Variants in MSL2 observed in about 807,000 individuals in gnomAD.
MSL2 encodes the protein MSL complex subunit 2.
MSL2 carries 2 observed loss-of-function variants against 35.8 expected under a neutral mutation model. The ratio of observed to expected loss-of-function variants is 0.06; its 90% confidence interval spans 0.02 to 0.18. The LOEUF (loss-of-function observed/expected upper bound fraction) is 0.18. Among genes scored for constraint, MSL2 ranks in the 10% least tolerant of loss-of-function variants. MSL2 has a pLI of 1.00. For missense variants in MSL2, 523 were observed against 706.7 expected (o/e 0.74, Z 2.95); for synonymous variants, 296 against 255.7 (o/e 1.16, Z -1.50).
intron 1 of MSL2, among the ~76,000 whole-genome samples, chr3:136,155,096 T>C (rs1367577267): frequency 2.0e-5 from 3 of 151,820 alleles, no homozygotes; most frequent in Non-Finnish European, 4.4e-5. Context: ...TAGTCCCAGC[T>C]ACTCGGGGGA....
At chr3:136,170,657 C>T (rs1292059489) in intron 1 of MSL2, among the ~76,000 whole-genome samples, 6 of 151,248 alleles carry the variant, frequency 4.0e-5, no homozygotes, top group Non-Finnish European at 8.8e-5. Context: ...TACAGGCGTG[C>T]GTCACCATGC....
chr3:136,187,656 C>T (rs1284892202), intron 1 of MSL2, among the ~76,000 whole-genome samples: 1 of 150,364 alleles, frequency 6.7e-6, no homozygotes. Flanking sequence ...GGTGACAGGG[C>T]AAGACTCCGT....
chr3:136,180,861 T>C (rs1464086397), intron 1 of MSL2, among the ~76,000 whole-genome samples: 2 of 91,524 alleles, frequency 2.2e-5, no homozygotes, highest in Admixed American at 2.6e-4. Flanking sequence ...AAAAAGGAGT[T>C]GGCCGGGCGT....
chr3:136,182,138 G>A (rs1940384761), intron 1 of MSL2, among the ~76,000 whole-genome samples: 1 of 152,098 alleles, frequency 6.6e-6, no homozygotes, highest in African/African-American at 2.4e-5. Context: ...CAATGGAAAT[G>A]TTTTATATCT....
chr3:136,161,012 G>A (rs551993282), intron 1 of MSL2, among the ~76,000 whole-genome samples: 6 of 151,700 alleles, frequency 4.0e-5, no homozygotes, highest in East Asian at 2.0e-4. Flanking sequence ...ACTTGAACCC[G>A]GGAGGCGGAG....
chr3:136,188,501 G>A (rs959620627), intron 1 of MSL2, among the ~76,000 whole-genome samples: 1 of 151,014 alleles, frequency 6.6e-6, no homozygotes, highest in Non-Finnish European at 1.5e-5. Flanking sequence ...TATAATCCTA[G>A]CATTTTGGGA....
intron 1 of MSL2, among the ~76,000 whole-genome samples, chr3:136,185,020 G>C (rs967691294): frequency 5.3e-5 from 8 of 152,046 alleles, no homozygotes; most frequent in Non-Finnish European, 1.0e-4. Flanking sequence ...TGTAGCCCAG[G>C]CTGGAGTACA....
At chr3:136,177,597 T>C (rs137988445) in intron 1 of MSL2, among the ~76,000 whole-genome samples, 2,393 of 146,166 alleles carry the variant, frequency 0.016, 64 homozygotes, top group African/African-American at 0.058. Context: ...GAGAATGGCA[T>C]GAACCCAGGA....
rs1939387441 is a variant in MSL2 at position 136,151,990 on chromosome 3, A to G, written c.891T>C (p.Thr297=). The G allele has an allele frequency of 1.2e-6, 2 of 1,614,214 alleles. No homozygotes were observed. Among genetic ancestry groups the G allele is most frequent in the East Asian group, 2.2e-5 (1 of 44,886 alleles). ...GCTGCAGAAAAGGTCCATTGGATAC[A>G]GTGGCTTCCAAGTTCGGCTGCAAAT... ...CPNLQPNLEA[T]VSNGPFLQLS... is the part of the protein sequence containing the mutation. Residue 297 remains threonine, a synonymous_variant, in exon 2 of 2, where the codon ACT becomes ACC. Transcript: ENST00000309993. This position sits in a 1 kb window ranked among gnomAD's most constrained non-coding sequence, Gnocchi z 5.2.
intron 1 of MSL2, among the ~76,000 whole-genome samples, chr3:136,172,660 C>T (rs539357198): frequency 5.3e-5 from 8 of 152,210 alleles, no homozygotes; most frequent in Non-Finnish European, 1.2e-4. Flanking sequence ...CCCATGTTTC[C>T]TTAATAGGAT....
At chr3:136,185,972 C>T (rs143800624) in intron 1 of MSL2, among the ~76,000 whole-genome samples, 1,937 of 152,190 alleles carry the variant, frequency 0.013, 24 homozygotes, top group Middle Eastern at 0.024. Flanking sequence ...AAAAATTGTT[C>T]TAAAAGAGGT....
At chr3:136,155,912 C>T in intron 1 of MSL2, 1 of 559,098 alleles carries the variant, frequency 1.8e-6, no homozygotes, top group Non-Finnish European at 3.6e-6. Flanking sequence ...GGATGAGCAC[C>T]TCATGGTTTC....
Position 136,151,651 on chromosome 3 carries a change from C to T in MSL2, c.1230G>A (p.Lys410=), listed in dbSNP as rs748700852. ...TVLLSTKSMK[K]SHEHGSKKSH... is the part of the protein sequence containing the mutation. Reference sequence around the variant, plus strand: ...ATTTCTTGGATCCATGTTCATGACTCTTTTTCATGCTTTTAGTAGATAAAA... The same window carrying T: ...ATTTCTTGGATCCATGTTCATGACTTTTTTTCATGCTTTTAGTAGATAAAA... The change falls in exon 2 of 2, where the codon AAG becomes AAA. Residue 410 remains lysine (K), a synonymous_variant. Transcript: ENST00000309993. The surrounding 1 kb of genome is among the most constrained non-coding windows in gnomAD (Gnocchi z 5.2). 1 of 1,614,086 alleles carries T rather than the reference C, an allele frequency of 6.2e-7. No homozygotes were observed. The highest frequency in any genetic ancestry group is 1.1e-5 in the South Asian group (1 of 91,080).
intron 1 of MSL2, chr3:136,194,660 A>G: frequency 3.3e-6 from 1 of 305,086 alleles, no homozygotes; most frequent in Non-Finnish European, 5.7e-6. Flanking sequence ...GCAAAGGTTT[A>G]AGAAAAAAAA....
intron 1 of MSL2, among the ~76,000 whole-genome samples, chr3:136,190,909 C>CGAT (rs1447121352): frequency 6.6e-6 from 1 of 152,152 alleles, no homozygotes; most frequent in Non-Finnish European, 1.5e-5. Flanking sequence ...TACAGCAAGG[C>CGAT]TATCCCATTC....
At chr3:136,189,640 C>G (rs1354931190) in intron 1 of MSL2, among the ~76,000 whole-genome samples, 2 of 149,016 alleles carry the variant, frequency 1.3e-5, no homozygotes, top group Non-Finnish European at 3.0e-5. Context: ...AGGAGAATGG[C>G]GTGTACCCGG....
At chr3:136,191,992 C>G (rs2108099190) in intron 1 of MSL2, among the ~76,000 whole-genome samples, 1 of 152,156 alleles carries the variant, frequency 6.6e-6, no homozygotes, top group Non-Finnish European at 1.5e-5. Flanking sequence ...ATGTAAGTCA[C>G]CAGGCAGGAA....
intron 1 of MSL2, among the ~76,000 whole-genome samples, chr3:136,175,654 C>T (rs2108080522): frequency 1.3e-5 from 2 of 150,134 alleles, no homozygotes; most frequent in East Asian, 2.0e-4. Context: ...GATCACTGCA[C>T]CCTAGCCTGC....
At chr3:136,176,371 A>G (rs936474230) in intron 1 of MSL2, among the ~76,000 whole-genome samples, 2 of 151,816 alleles carry the variant, frequency 1.3e-5, no homozygotes, top group African/African-American at 2.4e-5. Context: ...AAAAATTAGC[A>G]GGACATGGGG....
Sources: gnomAD v4.1 joint callset for allele counts (sites outside exome capture counted in the v4.1 genomes callset) on GRCh38, gnomAD v4.1.1 for gene constraint, Gnocchi (gnomAD v3.1) non-coding constraint, MANE v1.5 for transcripts, NCBI Gene and HGNC (gene_info 2026-07-23, HGNC 2026-07-21) for gene names.